Variants in ASRGL1 observed in about 807,000 individuals in gnomAD.
ASRGL1 encodes asparaginase and isoaspartyl peptidase 1.
ASRGL1 carries 16 observed loss-of-function variants against 22.4 expected under a neutral mutation model. The ratio of observed to expected loss-of-function variants is 0.71; its 90% CI spans 0.48 to 1.08. ASRGL1 has a LOEUF of 1.08. Among genes scored for constraint, ASRGL1 ranks in the 50% least tolerant of loss-of-function variants. The pLI, the probability that ASRGL1 is intolerant of heterozygous loss-of-function variation, is 0.00. For missense variants in ASRGL1, 412 were observed against 410.1 expected (o/e 1.00, Z -0.04); for synonymous variants, 165 against 159.3 (o/e 1.04, Z -0.27).
rs1945811124 is a variant in ASRGL1 at position 62,339,399 on chromosome 11, CCG to C, written c.190+1233_190+1234del. 3.3e-5 allele frequency among the ~76,000 whole-genome samples: 5 copies of C among 152,260 alleles called. No homozygotes were observed. In the South Asian group the frequency reaches 1.0e-3, roughly 32 times the overall value. On this transcript the variant is annotated intron_variant, in intron 2 of 6. Transcript: ENST00000415229. ...AATAATGAGGCATGTCCTACCTCCC[CCG>C]ACAAGGTTCCAAAGTTTTCAGGTTA...
At chr11:62,371,122 C>G (rs1946749142) in intron 4 of ASRGL1, 8 of 916,340 alleles carry the variant, frequency 8.7e-6, no homozygotes, top group Non-Finnish European at 1.2e-5. Flanking sequence ...ATCACTCCAA[C>G]CAGCCGCAAC....
chr11:62,386,112 A>C (rs570817385), intron 4 of ASRGL1, among the ~76,000 whole-genome samples: 1 of 152,230 alleles, frequency 6.6e-6, no homozygotes, highest in Non-Finnish European at 1.5e-5. Flanking sequence ...CAGTGAGCCA[A>C]TATCACGCCA....
At position 62,355,449 on chromosome 11, in the gene ASRGL1, C is replaced by CT. The variant is rs1946260668; in HGVS notation, c.191-875dup. On this transcript the variant is annotated intron_variant, in intron 2 of 6. Transcript: ENST00000415229. The stretch of plus-strand genomic sequence containing the variant: ...ACATGTTAGCCAGGATGATCTCGAT[C>CT]TCCTGACCTCATGATCTGCCCGCCT... 2.7e-5 allele frequency among the ~76,000 whole-genome samples: 4 copies of CT among 146,610 alleles called. No homozygotes were observed. The South Asian group carries it at 8.7e-4, about 32-fold the overall frequency.
At chr11:62,355,680 G>T (rs1342248635) in intron 2 of ASRGL1, among the ~76,000 whole-genome samples, 2 of 150,102 alleles carry the variant, frequency 1.3e-5, no homozygotes, top group African/African-American at 4.9e-5. Context: ...GGGGGATTTG[G>T]CAGGGTCATA....
At chr11:62,378,580 T>C (rs906898080) in intron 4 of ASRGL1, among the ~76,000 whole-genome samples, 3 of 152,120 alleles carry the variant, frequency 2.0e-5, no homozygotes, top group African/African-American at 7.2e-5. Context: ...TAAAGGCCAG[T>C]CTTTTGGGAT....
intron 2 of ASRGL1, among the ~76,000 whole-genome samples, chr11:62,351,703 T>G (rs778692915): frequency 3.5e-4 from 53 of 152,064 alleles, no homozygotes; most frequent in Non-Finnish European, 6.9e-4. Context: ...GGTATTAATT[T>G]TACTCTGACA....
intron 4 of ASRGL1, chr11:62,371,627 C>G (rs370703321): frequency 7.6e-6 from 5 of 653,854 alleles, no homozygotes; most frequent in African/African-American, 5.4e-5. Flanking sequence ...ATTTTGGGGG[C>G]AACCAACTGG....
intron 4 of ASRGL1, among the ~76,000 whole-genome samples, chr11:62,377,485 A>G (rs1196032816): frequency 7.7e-4 from 118 of 152,322 alleles, no homozygotes; most frequent in Admixed American, 7.5e-3. Flanking sequence ...AGTTTTGATT[A>G]CTTGCTCTTT....
At position 62,356,440 on chromosome 11, in the gene ASRGL1, T is replaced by A; in HGVS notation, c.306T>A (p.Ile102=). Residue 102 remains isoleucine, a synonymous_variant, in exon 3 of 7, where the codon ATT becomes ATA. Coordinates refer to ENST00000415229, the MANE Select transcript of ASRGL1 (RefSeq NM_001083926.2). The part of the protein sequence containing the change: ...VSAVQCIANP[I]KLARLVMEKT... ...CAGTCCAGTGTATAGCAAATCCCAT[T>A]AAACTTGCTCGGCTTGTCATGGAAA... The A allele has an allele frequency of 3.1e-6, 5 of 1,614,190 alleles. No individual in the cohort carries two copies. Among genetic ancestry groups the A allele is most frequent in the Non-Finnish European group, 4.2e-6 (5 of 1,180,016 alleles).
In ASRGL1 at chr11:62,362,380, G is replaced by A. The variant is rs190674088; in HGVS notation, c.491+5236G>A. Among the ~76,000 whole-genome samples the A allele has an allele frequency of 2.0e-4, 29 of 144,862 alleles. No individual in the cohort carries two copies. The East Asian group carries it at 5.7e-3, about 28-fold the overall frequency. ...AGCAAATCATGGACTTTAACAAAAA[G>A]TGAAATTAATTTTGAACTTGTATTA... On this transcript the variant is annotated intron_variant, in intron 4 of 6. Coordinates refer to ENST00000415229, the MANE Select transcript of ASRGL1 (RefSeq NM_001083926.2).
At chr11:62,398,542 T>C in the ASRGL1 span, among the ~76,000 whole-genome samples, 11 of 152,034 alleles carry the variant, frequency 7.2e-5, no homozygotes, top group African/African-American at 1.9e-4. Context: ...CCCCGGGGGC[T>C]CGAACCCCCA....
chr11:62,379,489 C>T (rs1317829187), intron 4 of ASRGL1, among the ~76,000 whole-genome samples: 2 of 152,168 alleles, frequency 1.3e-5, no homozygotes, highest in South Asian at 2.1e-4. Flanking sequence ...ACTGGCACTG[C>T]AAGGAATTGA....
Position 62,391,581 on chromosome 11 carries a change from A to G in ASRGL1, c.670A>G (p.Ser224Gly), listed in dbSNP as rs770741480. The change falls in exon 6 of 7, where the codon AGC becomes GGC. Residue 224 changes from serine (S) to glycine (G), a missense_variant. Physicochemically the swap from Ser to Gly is moderately conservative, Grantham distance 56. Coordinates refer to ENST00000415229, the MANE Select transcript of ASRGL1 (RefSeq NM_001083926.2). Reference protein sequence around the residue: ...GAVSTTGHGESILKVNLARLT... With the variant: ...GAVSTTGHGEGILKVNLARLT... ...CGTCTCAACCACAGGGCATGGGGAA[A>G]GCATCCTGAAGGTGAACCTGGCTAG... is the stretch of plus-strand genomic sequence containing the variant. 3.1e-6 allele frequency: 5 copies of G among 1,612,764 alleles called. No homozygotes were observed. The highest frequency in any genetic ancestry group is 4.2e-6 in the Non-Finnish European group (5 of 1,179,472).
chr11:62,360,983 A>C (rs570448691), intron 4 of ASRGL1, among the ~76,000 whole-genome samples: 1 of 152,346 alleles, frequency 6.6e-6, no homozygotes, highest in African/African-American at 2.4e-5. Context: ...GTGTGCAAAA[A>C]ACAATGGAAA....
At chr11:62,398,187 G>T (rs1037285197), downstream of ASRGL1, among the ~76,000 whole-genome samples, 4 of 152,068 alleles carry the variant, frequency 2.6e-5, no homozygotes, top group Admixed American at 1.3e-4. Context: ...AAAGCACAAG[G>T]CCCCACCCAG....
the ASRGL1 span, among the ~76,000 whole-genome samples, chr11:62,399,224 AAG>A: frequency 6.6e-6 from 1 of 152,122 alleles, no homozygotes; most frequent in African/African-American, 2.4e-5. Context: ...CTCAAAAAAA[AAG>A]AACTTCCAAC....
chr11:62,369,165 G>A (rs934834681), intron 4 of ASRGL1, among the ~76,000 whole-genome samples: 1 of 152,130 alleles, frequency 6.6e-6, no homozygotes, highest in Non-Finnish European at 1.5e-5. Context: ...TTTCCGCAGT[G>A]TATTGTGTCC....
chr11:62,345,084 G>T (rs1174148586), intron 2 of ASRGL1, among the ~76,000 whole-genome samples: 2 of 152,110 alleles, frequency 1.3e-5, no homozygotes, highest in African/African-American at 4.8e-5. Flanking sequence ...GTACTCCATT[G>T]TGTATATGTA....
At position 62,371,241 on chromosome 11, in the gene ASRGL1, C is replaced by G. The variant is rs992073182; in HGVS notation, c.491+14097C>G. ...CGTGGCGGCCCCGCAGCCGGAAGCG[C>G]GAGCCTCCCGAGCGCTGCAGTAGCA... On this transcript the variant is annotated intron_variant, in intron 4 of 6. Coordinates refer to ENST00000415229, the MANE Select transcript of ASRGL1 (RefSeq NM_001083926.2). 30 of 1,275,318 alleles carry G rather than the reference C, an allele frequency of 2.4e-5. No homozygotes were observed. In the African/African-American group the frequency reaches 4.0e-4, roughly 17 times the overall value. 79.0% of individuals were successfully genotyped at this position (1,275,318 alleles called of 1,614,324 possible).
Sources: allele counts gnomAD v4.1 joint callset (sites outside exome capture counted in the v4.1 genomes callset), GRCh38; gene constraint gnomAD v4.1.1; transcripts MANE v1.5; gene names NCBI Gene and HGNC (gene_info 2026-07-23, HGNC 2026-07-21).